The following DNM3 variants were observed in gnomAD, a reference collection of about 807,000 sequenced individuals.
DNM3 encodes dynamin-3.
Under a neutral mutation model 101.6 loss-of-function variants are expected in DNM3, and 47 were observed. That is an observed-to-expected ratio of 0.46 (90% CI 0.37 to 0.59). The LOEUF is 0.59. DNM3 is among the 20% of genes least tolerant of loss of function. The pLI, the probability that DNM3 is intolerant of heterozygous loss-of-function variation, is 0.00. For missense variants in DNM3, 849 were observed against 1,085.7 expected (o/e 0.78, Z 3.06); for synonymous variants, 385 against 387.9 (o/e 0.99, Z 0.09).
At chr1:172,201,980 AAGG>A (rs1019142912) in intron 14 of DNM3, among the ~76,000 whole-genome samples, 2 of 152,088 alleles carry the variant, frequency 1.3e-5, no homozygotes, top group African/African-American at 4.8e-5. Context: ...TCCCTGCAAG[AAGG>A]AGGTTCCCCT....
At chr1:171,892,008 GTTTA>G (rs1453326897) in intron 1 of DNM3, among the ~76,000 whole-genome samples, 3 of 152,074 alleles carry the variant, frequency 2.0e-5, no homozygotes, top group African/African-American at 4.8e-5. Context: ...TTCTCCATTT[GTTTA>G]TTTATTCAAT....
chr1:171,874,659 C>T (rs942629905), intron 1 of DNM3, among the ~76,000 whole-genome samples: 4 of 152,044 alleles, frequency 2.6e-5, no homozygotes, highest in Admixed American at 6.5e-5. Context: ...CACCTTAAAA[C>T]ATAATGTCAA....
chr1:171,848,080 A>G (rs2124977373), intron 1 of DNM3, among the ~76,000 whole-genome samples: 1 of 152,332 alleles, frequency 6.6e-6, no homozygotes, highest in East Asian at 1.9e-4. Context: ...GCCCAAGGTC[A>G]GAAGAAATCA....
chr1:172,247,847 G>A (rs2062020149), intron 14 of DNM3, among the ~76,000 whole-genome samples: 1 of 151,782 alleles, frequency 6.6e-6, no homozygotes, highest in Non-Finnish European at 1.5e-5. Context: ...ACCACACCCA[G>A]CTAATTTTTG....
intron 14 of DNM3, among the ~76,000 whole-genome samples, chr1:172,170,214 T>C (rs189188526): frequency 1.8e-4 from 27 of 152,056 alleles, no homozygotes; most frequent in Non-Finnish European, 2.9e-5. Context: ...TAAATACTTA[T>C]TTTTAAGTCC....
At chr1:171,872,396 T>C (rs1286899073) in intron 1 of DNM3, among the ~76,000 whole-genome samples, 1 of 152,200 alleles carries the variant, frequency 6.6e-6, no homozygotes, top group Non-Finnish European at 1.5e-5. Context: ...GATCTGGTCT[T>C]CCTAAAGAGT....
At chr1:171,904,855 G>A (rs1396481019) in intron 1 of DNM3, among the ~76,000 whole-genome samples, 1 of 152,166 alleles carries the variant, frequency 6.6e-6, no homozygotes, top group Non-Finnish European at 1.5e-5. Flanking sequence ...AGCAGTGAAT[G>A]CTGCCAGTGG....
intron 17 of DNM3, among the ~76,000 whole-genome samples, chr1:172,335,505 C>A (rs2066379869): frequency 6.6e-6 from 1 of 152,074 alleles, no homozygotes; most frequent in South Asian, 2.1e-4. Context: ...ATGTTCATTG[C>A]AGCATTATTC....
chr1:172,365,134 T>C (rs1361969354), intron 17 of DNM3, among the ~76,000 whole-genome samples: 2 of 151,944 alleles, frequency 1.3e-5, no homozygotes, highest in Non-Finnish European at 2.9e-5. Flanking sequence ...GGAAGTGTAA[T>C]ATGAATACTA....
intron 1 of DNM3, among the ~76,000 whole-genome samples, chr1:171,901,348 C>G (rs555150363): frequency 1.3e-5 from 2 of 152,022 alleles, no homozygotes; most frequent in African/African-American, 4.8e-5. Flanking sequence ...ATGAAATAGG[C>G]CCTGAGCAGC....
At chr1:171,857,278 T>C (rs912257666) in intron 1 of DNM3, among the ~76,000 whole-genome samples, 5 of 152,144 alleles carry the variant, frequency 3.3e-5, no homozygotes, top group Admixed American at 6.5e-5. Context: ...GAATTAATGA[T>C]TGAATGGTAA....
intron 14 of DNM3, among the ~76,000 whole-genome samples, chr1:172,225,751 CA>C (rs2061093923): frequency 1.3e-5 from 2 of 151,586 alleles, no homozygotes; most frequent in African/African-American, 4.8e-5. Context: ...GACCCTGTCC[CA>C]AAAAATAAAT....
intron 1 of DNM3, among the ~76,000 whole-genome samples, chr1:171,905,161 G>A (rs1046735967): frequency 7.9e-5 from 12 of 152,252 alleles, no homozygotes; most frequent in East Asian, 1.9e-4. Context: ...CTTTATGTGC[G>A]TACATTCATT....
chr1:172,191,236 G>A (rs1319539003), intron 14 of DNM3, among the ~76,000 whole-genome samples: 3 of 152,104 alleles, frequency 2.0e-5, no homozygotes, highest in Admixed American at 6.6e-5. Context: ...TCTACCTATG[G>A]CTAGCCAGTT....
chr1:172,212,712 C>A (rs1229584707), intron 14 of DNM3, among the ~76,000 whole-genome samples: 1 of 152,062 alleles, frequency 6.6e-6, no homozygotes, highest in African/African-American at 2.4e-5. Context: ...TTCTTAAATA[C>A]CACAAACTGA....
intron 16 of DNM3, chr1:172,310,873 C>G (rs889156196): frequency 6.6e-6 from 1 of 152,172 alleles, no homozygotes; most frequent in Non-Finnish European, 1.5e-5. Context: ...TATTTAAAAG[C>G]TCATTATGGT....
chr1:172,379,146 A>G lies in DNM3; in HGVS notation c.2022A>G (p.Leu674=), dbSNP rs1487502201. The G allele has an allele frequency of 6.2e-7, 1 of 1,610,650 alleles. No homozygotes were observed. The highest frequency in any genetic ancestry group is 8.5e-7 in the Non-Finnish European group (1 of 1,178,198). The change falls in exon 18 of 21, where the codon CTA becomes CTG. Residue 674 remains leucine, a synonymous_variant. Coordinates refer to ENST00000627582, the MANE Select transcript of DNM3 (RefSeq NM_015569.5). ...TTATCAACAAATGTATCCGAGATCT[A>G]ATTCCAAAAACAATAATGCACCTTA... The part of the protein sequence containing the change: ...MSIINKCIRD[L]IPKTIMHLMI...
At chr1:172,092,007 A>G (rs1483102883) in intron 12 of DNM3, among the ~76,000 whole-genome samples, 1 of 152,188 alleles carries the variant, frequency 6.6e-6, no homozygotes, top group Non-Finnish European at 1.5e-5. Context: ...AGAGGAGACA[A>G]AGATTTTGGC....
At chr1:172,235,844 T>G (rs12402426) in intron 14 of DNM3, among the ~76,000 whole-genome samples, 32,647 of 151,708 alleles carry the variant, frequency 0.22, 3,525 homozygotes, top group East Asian at 0.28. Context: ...GGGGCCTGTT[T>G]TGGGGTGGGG....
Sources: gnomAD v4.1 joint callset for allele counts (sites outside exome capture counted in the v4.1 genomes callset) on GRCh38, gnomAD v4.1.1 for gene constraint, MANE v1.5 for transcripts, NCBI Gene and HGNC (gene_info 2026-07-23, HGNC 2026-07-21) for gene names.